The following SENP5 variants were observed in gnomAD, a reference collection of about 807,000 sequenced individuals.
SENP5 encodes SUMO specific peptidase 5, also known as sentrin-specific protease 5.
A neutral mutation model predicts 74.2 loss-of-function variants in SENP5; 21 were observed. The ratio of observed to expected loss-of-function variants is 0.28; its 90% CI spans 0.20 to 0.41. The LOEUF (loss-of-function observed/expected upper bound fraction) is 0.41, where lower values mean the gene tolerates loss of function less well. SENP5 is among the 10% of genes least tolerant of loss of function. The pLI is 1.00. For synonymous variants in SENP5, 311 were observed against 312.7 expected (o/e 0.99, Z 0.06); for missense variants, 717 against 889.1 (o/e 0.81, Z 2.46).
intron 2 of SENP5, among the ~76,000 whole-genome samples, chr3:196,891,943 A>G (rs371668289): frequency 1.4e-5 from 2 of 148,046 alleles, no homozygotes; most frequent in African/African-American, 2.5e-5. Flanking sequence ...GGCATGTGCC[A>G]CCACGCCCGG....
rs1175039332 is a variant in SENP5, at chr3:196,886,440, C to T, written c.1259C>T (p.Thr420Ile). Residue 420 changes from threonine to isoleucine, a missense_variant, in exon 2 of 10, where the codon ACA becomes ATA. By Grantham distance (89) the Thr-to-Ile change is moderately conservative. This residue lies in a region of SENP5 where 567 missense variants were observed against 577.4 expected (regional missense o/e 0.98). Transcript: ENST00000323460. The part of the protein sequence containing the change: ...RVKLSVSGAD[T>I]SVSSVDGPVS... ...AAACTGTCAGTGTCTGGAGCAGATA[C>T]ATCTGTGAGTAGCGTAGATGGGCCT... 8 of 1,610,300 alleles carry T rather than the reference C, an allele frequency of 5.0e-6. No homozygotes were observed. The South Asian group carries it at 6.6e-5, about 13-fold the overall frequency.
intron 6 of SENP5, among the ~76,000 whole-genome samples, chr3:196,922,818 T>G (rs1469346048): frequency 6.6e-6 from 1 of 152,204 alleles, no homozygotes; most frequent in African/African-American, 2.4e-5. Flanking sequence ...ATACAGTGTT[T>G]CGCCATGTCA....
intron 7 of SENP5, among the ~76,000 whole-genome samples, 192 bp from the exon 8 acceptor site, chr3:196,927,604 C>T (rs1577850585): frequency 6.6e-6 from 1 of 150,926 alleles, no homozygotes; most frequent in Non-Finnish European, 1.5e-5. Context: ...CCATTGTACT[C>T]CAGCCTGGGT....
rs373861015 is a variant in SENP5 at position 196,914,732 on chromosome 3, C to G, written c.1885-8682C>G. Among the ~76,000 whole-genome samples the G allele has an allele frequency of 4.0e-5, 6 of 150,760 alleles. No individual in the cohort carries two copies. The South Asian group carries it at 1.3e-3, about 32-fold the overall frequency. ...CAACCATCGTCCTCCTGCAGGAACA[C>G]CAAATTGAACAACTATCCATGCAAC... is the stretch of plus-strand genomic sequence containing the variant. On this transcript the variant is annotated intron_variant, in intron 6 of 9. Transcript: ENST00000323460.
intron 2 of SENP5, among the ~76,000 whole-genome samples, chr3:196,889,165 A>T (rs149192471): frequency 6.6e-6 from 1 of 151,960 alleles, no homozygotes; most frequent in East Asian, 1.9e-4. Context: ...CCTCATAGAA[A>T]GACACAAAGT....
Position 196,884,676 on chromosome 3 carries a change from T to G in SENP5, c.-31-475T>G, listed in dbSNP as rs535498209. On this transcript the variant is annotated intron_variant, in intron 1 of 9. Transcript: ENST00000323460. ...GTTACAGAAATCAGTTTTTTTTTGTTTTTTTTTTTTTTGAGATGGAGTTTC... is the reference window on the plus strand; with the variant it reads ...GTTACAGAAATCAGTTTTTTTTTGTGTTTTTTTTTTTTGAGATGGAGTTTC... Among the ~76,000 whole-genome samples, 533 of 146,820 alleles carry G rather than the reference T, an allele frequency of 3.6e-3. 10 individuals are homozygous for G. The highest frequency in any genetic ancestry group is 0.024 in the Admixed American group (351 of 14,918).
intron 2 of SENP5, among the ~76,000 whole-genome samples, chr3:196,894,753 C>T (rs917249825): frequency 1.3e-5 from 2 of 152,096 alleles, no homozygotes; most frequent in African/African-American, 2.4e-5. Context: ...CCTTATTCAC[C>T]TCTCTCCTTT....
chr3:196,905,949 G>A (rs1577827891), intron 6 of SENP5, among the ~76,000 whole-genome samples: 1 of 152,162 alleles, frequency 6.6e-6, no homozygotes, highest in East Asian at 1.9e-4. Context: ...CTTTGGGCCT[G>A]GGTCATGTCC....
At position 196,900,014 on chromosome 3, in the gene SENP5, T is replaced by C; in HGVS notation, c.1710T>C (p.Asp570=). 6.2e-7 allele frequency: 1 copy of C among 1,614,118 alleles called. No individual in the cohort carries two copies. The highest frequency in any genetic ancestry group is 8.5e-7 in the Non-Finnish European group (1 of 1,180,022). ...TCTTCTATAATAAACACATGCTGGA[T>C]ATGGACGACCTGGCGACTCTGGATG... is the stretch of plus-strand genomic sequence containing the variant. ...FRIFYNKHML[D]MDDLATLDGQ... is the part of the protein sequence containing the mutation. Residue 570 remains aspartate, a synonymous_variant, in exon 4 of 10, where the codon GAT becomes GAC. Coordinates refer to ENST00000323460, the MANE Select transcript of SENP5 (RefSeq NM_152699.5).
chr3:196,922,640 A>T (rs879789656), intron 6 of SENP5, among the ~76,000 whole-genome samples: 1 of 151,996 alleles, frequency 6.6e-6, no homozygotes, highest in African/African-American at 2.4e-5. Flanking sequence ...ATTTTTCTTG[A>T]GACAAGGTCT....
intron 6 of SENP5, among the ~76,000 whole-genome samples, chr3:196,911,097 A>G (rs1364875154): frequency 6.6e-6 from 1 of 152,234 alleles, no homozygotes; most frequent in Admixed American, 6.5e-5. Context: ...TAATTGTAAA[A>G]CACAAAATCG....
Position 196,901,685 on chromosome 3 carries a change from T to C in SENP5, c.1806+1273T>C, listed in dbSNP as rs1029416242. 3.9e-4 allele frequency among the ~76,000 whole-genome samples: 60 copies of C among 152,360 alleles called. 1 individual carries two copies. The highest frequency in any genetic ancestry group is 1.6e-4 in the Non-Finnish European group (11 of 68,032). ...CTTTCCACTTAAATTATAAATCTGTTATACATTTATAAATTGGAATCATGA... is the reference window on the plus strand; with the variant it reads ...CTTTCCACTTAAATTATAAATCTGTCATACATTTATAAATTGGAATCATGA... On this transcript the variant is annotated intron_variant, in intron 5 of 9. Transcript: ENST00000323460.
intron 6 of SENP5, among the ~76,000 whole-genome samples, chr3:196,907,367 A>C (rs1311017461): frequency 6.7e-6 from 1 of 148,704 alleles, no homozygotes; most frequent in African/African-American, 2.6e-5. Flanking sequence ...CCACTTACTC[A>C]GGAGACTGAA....
chr3:196,917,376 G>C (rs1715424275), intron 6 of SENP5, among the ~76,000 whole-genome samples: 1 of 151,954 alleles, frequency 6.6e-6, no homozygotes, highest in African/African-American at 2.4e-5. Flanking sequence ...AGGAGGTAGA[G>C]AGAGAGAGAG....
chr3:196,915,773 C>T (rs369961199), intron 6 of SENP5, among the ~76,000 whole-genome samples: 14 of 152,276 alleles, frequency 9.2e-5, no homozygotes, highest in African/African-American at 2.9e-4. Context: ...CTAGGAAATT[C>T]CTCTCCATCT....
In SENP5 at chr3:196,931,686, C is replaced by A; in HGVS notation, c.*763C>A. On this transcript the variant is annotated 3_prime_UTR_variant, in exon 10 of 10. Coordinates refer to ENST00000323460, the MANE Select transcript of SENP5 (RefSeq NM_152699.5). ...AGGCTTTTGCTGGGATATTGAATTC[C>A]CTGAATTTTTCTGTTTTCGACCTGT... 3.7e-6 allele frequency: 1 copy of A among 273,936 alleles called. No individual in the cohort carries two copies. The highest frequency in any genetic ancestry group is 7.2e-6 in the Non-Finnish European group (1 of 138,718). 17.0% of individuals were successfully genotyped at this position (273,936 alleles called of 1,614,324 possible).
At chr3:196,894,942 G>A (rs376720078) in intron 2 of SENP5, among the ~76,000 whole-genome samples, 46 of 152,022 alleles carry the variant, frequency 3.0e-4, no homozygotes, top group Non-Finnish European at 4.9e-4. Flanking sequence ...GTCATATTTC[G>A]CATCTTTTCA....
chr3:196,890,306 TACA>T, intron 2 of SENP5, among the ~76,000 whole-genome samples: 1 of 152,372 alleles, frequency 6.6e-6, no homozygotes, highest in Non-Finnish European at 1.5e-5. Context: ...AAGGGACTTC[TACA>T]ACATTAGCCA....
chr3:196,890,312 A>G (rs952992028), intron 2 of SENP5, among the ~76,000 whole-genome samples: 2 of 152,220 alleles, frequency 1.3e-5, no homozygotes, highest in African/African-American at 4.8e-5. Flanking sequence ...CTTCTACAAC[A>G]TTAGCCACTA....
Sources: allele counts gnomAD v4.1 joint callset (sites outside exome capture counted in the v4.1 genomes callset), GRCh38; gene constraint gnomAD v4.1.1; regional missense constraint gnomAD v4.1.1; transcripts MANE v1.5; gene names NCBI Gene and HGNC (gene_info 2026-07-23, HGNC 2026-07-21).